The following IGSF10 variants were observed in gnomAD, a reference collection of about 807,000 sequenced individuals.
IGSF10 encodes immunoglobulin superfamily member 10, also known as calvaria mechanical force protein 608.
In IGSF10, 126 loss-of-function variants were observed where a neutral mutation model predicts 128.2. That is an observed-to-expected ratio of 0.98 (90% CI 0.85 to 1.14). IGSF10 has a LOEUF of 1.14. Ranked by LOEUF, IGSF10 falls within the 50% of genes most tolerant of loss-of-function variation. The pLI, the probability that IGSF10 is intolerant of heterozygous loss-of-function variation, is 0.00. For synonymous variants in IGSF10, 1,185 were observed against 1,146.2 expected (o/e 1.03, Z -0.68); for missense variants, 3,295 against 3,149.8 (o/e 1.05, Z -1.10).
chr3:151,533,991 G>A, the IGSF10 span, among the ~76,000 whole-genome samples: 1 of 152,176 alleles, frequency 6.6e-6, no homozygotes, highest in Non-Finnish European at 1.5e-5. Context: ...CAAAAAGTGA[G>A]TAAATAATAT....
In IGSF10 at chr3:151,437,573, C is replaced by A. The variant is rs746307466; in HGVS notation, c.6988G>T (p.Val2330Leu). The A allele has an allele frequency of 2.5e-6, 4 of 1,614,056 alleles. No individual in the cohort carries two copies. The highest frequency in any genetic ancestry group is 2.5e-6 in the Non-Finnish European group (3 of 1,180,042). Residue 2330 changes from valine (V) to leucine (L), a missense_variant, in exon 8 of 8, where the codon GTA becomes TTA. Transcript: ENST00000282466. ...GTCGGTCTTCTCAGCATTTCCAGTA[C>A]TTCTAACTGTACTACCAACACGCTC... ...GESVLVVQLE[V>L]LEMLRRPTFR...
downstream of IGSF10, chr3:151,432,941 CAA>C (rs35536198): frequency 0.19 from 85,906 of 458,020 alleles, 2,438 homozygotes; most frequent in Middle Eastern, 0.25. Flanking sequence ...CTACATCTCA[CAA>C]AAAAAAAAAA....
the IGSF10 span, among the ~76,000 whole-genome samples, chr3:151,581,764 G>A: frequency 3.3e-5 from 5 of 152,170 alleles, no homozygotes; most frequent in Non-Finnish European, 7.3e-5. Flanking sequence ...AACGGTGACT[G>A]CATTTGTAGA....
the IGSF10 span, among the ~76,000 whole-genome samples, chr3:151,482,134 A>T: frequency 6.6e-6 from 1 of 152,232 alleles, no homozygotes; most frequent in African/African-American, 2.4e-5. Context: ...CACAAGAAAC[A>T]TGAAAAAGAA....
the IGSF10 span, among the ~76,000 whole-genome samples, chr3:151,610,453 A>C: frequency 6.6e-6 from 1 of 152,154 alleles, no homozygotes; most frequent in Non-Finnish European, 1.5e-5. Flanking sequence ...AAAATGAAAA[A>C]CTTTATATGG....
chr3:151,559,418 G>C, the IGSF10 span, among the ~76,000 whole-genome samples: 3 of 152,110 alleles, frequency 2.0e-5, no homozygotes, highest in African/African-American at 7.2e-5. Flanking sequence ...ACACGTACTT[G>C]CAAAAATGTA....
the IGSF10 span, among the ~76,000 whole-genome samples, chr3:151,618,505 T>A: frequency 1.3e-5 from 2 of 151,454 alleles, no homozygotes; most frequent in Admixed American, 1.3e-4. Context: ...CCGAGGCGGG[T>A]GGATCATGAG....
At chr3:151,581,175 A>G in the IGSF10 span, among the ~76,000 whole-genome samples, 45 of 152,288 alleles carry the variant, frequency 3.0e-4, no homozygotes, top group Non-Finnish European at 4.9e-4. Context: ...GTAGTCTGCC[A>G]CGAAATTTTT....
At chr3:151,559,546 T>A in the IGSF10 span, among the ~76,000 whole-genome samples, 1 of 152,180 alleles carries the variant, frequency 6.6e-6, no homozygotes. Flanking sequence ...ATTGATAATT[T>A]TGTATATCTA....
chr3:151,601,030 G>GA, the IGSF10 span, among the ~76,000 whole-genome samples: 177 of 138,996 alleles, frequency 1.3e-3, no homozygotes, highest in Admixed American at 2.8e-3. Flanking sequence ...TTGTAGACAG[G>GA]AAAAAAAAAA....
the IGSF10 span, among the ~76,000 whole-genome samples, chr3:151,488,275 G>C: frequency 6.6e-6 from 1 of 150,666 alleles, no homozygotes; most frequent in Non-Finnish European, 1.5e-5. Context: ...GAATGTGAAG[G>C]ACCTCTTCAA....
the IGSF10 span, among the ~76,000 whole-genome samples, chr3:151,544,457 T>C: frequency 2.6e-5 from 4 of 152,232 alleles, no homozygotes; most frequent in African/African-American, 9.6e-5. Context: ...ATGCATGGAA[T>C]GTTTGAAAAT....
At chr3:151,449,773 T>C (rs1311688003) in intron 5 of IGSF10, among the ~76,000 whole-genome samples, 6 of 152,326 alleles carry the variant, frequency 3.9e-5, no homozygotes, top group Middle Eastern at 3.4e-3. Context: ...TCCAAAAGAA[T>C]ATTGACTGAA....
the IGSF10 span, among the ~76,000 whole-genome samples, chr3:151,497,252 T>C: frequency 1.3e-5 from 2 of 152,240 alleles, no homozygotes; most frequent in Admixed American, 6.5e-5. Context: ...TCCTAGCCCA[T>C]GCCTATGTCC....
At chr3:151,615,970 T>G in the IGSF10 span, among the ~76,000 whole-genome samples, 4 of 150,838 alleles carry the variant, frequency 2.7e-5, no homozygotes, top group African/African-American at 4.8e-5. Flanking sequence ...TGAGGTTTTT[T>G]TTTTTTTTTT....
chr3:151,487,608 C>A, the IGSF10 span, among the ~76,000 whole-genome samples: 1 of 152,188 alleles, frequency 6.6e-6, no homozygotes, highest in Non-Finnish European at 1.5e-5. Flanking sequence ...CCAAATCCAG[C>A]AGCACATCAA....
intron 7 of IGSF10, among the ~76,000 whole-genome samples, chr3:151,439,931 GC>G (rs1490501753): frequency 2.6e-5 from 4 of 152,212 alleles, no homozygotes; most frequent in African/African-American, 9.6e-5. Context: ...CATGGGCTAA[GC>G]AGGTAGATAA....
At chr3:151,500,696 C>A in the IGSF10 span, among the ~76,000 whole-genome samples, 2 of 152,078 alleles carry the variant, frequency 1.3e-5, no homozygotes, top group African/African-American at 4.8e-5. Context: ...TTAGTGGTTA[C>A]AAAGAAGCAT....
chr3:151,596,488 G>A, the IGSF10 span, among the ~76,000 whole-genome samples: 1 of 152,168 alleles, frequency 6.6e-6, no homozygotes, highest in South Asian at 2.1e-4. Context: ...ATGTGTGTGT[G>A]TGTGTGTGTA....
Sources: allele counts gnomAD v4.1 joint callset (sites outside exome capture counted in the v4.1 genomes callset), GRCh38; gene constraint gnomAD v4.1.1; transcripts MANE v1.5; gene names NCBI Gene and HGNC (gene_info 2026-07-23, HGNC 2026-07-21).